Variants in NUAK1 observed in about 807,000 individuals in gnomAD.
NUAK1 encodes the protein NUAK family kinase 1.
In NUAK1, 26 loss-of-function variants were observed where a neutral mutation model predicts 56.9. The ratio of observed to expected loss-of-function variants is 0.46; its 90% CI spans 0.33 to 0.63. The LOEUF (loss-of-function observed/expected upper bound fraction) is 0.63. Among genes scored for constraint, NUAK1 ranks in the 30% least tolerant of loss-of-function variants. NUAK1 has a pLI of 0.02. For synonymous variants in NUAK1, 337 were observed against 336.0 expected (o/e 1.00, Z -0.03); for missense variants, 727 against 876.1 (o/e 0.83, Z 2.15).
rs1020537768 is a variant in NUAK1 at position 106,138,784 on chromosome 12, C to G, written c.-131G>C. 1 of 1,245,092 alleles carries G rather than the reference C, an allele frequency of 8.0e-7. No individual in the cohort carries two copies. The allele number at this position is 1,245,092 out of a possible 1,614,324, so 77.1% of individuals were successfully genotyped here. ...GCAGCATCAGGGAGGCGGCCCGATA[C>G]CGCTCGGACTGCGGCTCGGTCACTG... On this transcript the variant is annotated 5_prime_UTR_variant, in exon 1 of 7. Coordinates refer to ENST00000261402, the MANE Select transcript of NUAK1 (RefSeq NM_014840.3). This position sits in a 1 kb window ranked among gnomAD's most constrained non-coding sequence, Gnocchi z 5.0.
chr12:106,108,748 C>A (rs1449763754), intron 1 of NUAK1, among the ~76,000 whole-genome samples: 1 of 152,102 alleles, frequency 6.6e-6, no homozygotes, highest in African/African-American at 2.4e-5. Context: ...TGTCAAGTTA[C>A]AATAGGCATA....
intron 1 of NUAK1, among the ~76,000 whole-genome samples, chr12:106,134,828 T>A (rs2556509): frequency 6.6e-6 from 1 of 152,218 alleles, no homozygotes; most frequent in Non-Finnish European, 1.5e-5. Context: ...TTGAGAAATG[T>A]GTTCAGATCC....
chr12:106,112,970 T>C (rs191511236), intron 1 of NUAK1, among the ~76,000 whole-genome samples: 56 of 152,348 alleles, frequency 3.7e-4, no homozygotes, highest in East Asian at 1.9e-3. Context: ...TGTGATGATA[T>C]TGATTTCTCT....
chr12:106,129,238 G>C (rs141831811), intron 1 of NUAK1, among the ~76,000 whole-genome samples: 5 of 152,230 alleles, frequency 3.3e-5, no homozygotes, highest in African/African-American at 1.2e-4. Context: ...AAGGGGAAGC[G>C]TGACCCAGAG....
chr12:106,107,577 T>C (rs1285155107), intron 1 of NUAK1, among the ~76,000 whole-genome samples: 1 of 152,104 alleles, frequency 6.6e-6, no homozygotes, highest in Non-Finnish European at 1.5e-5. Context: ...AGCTAAACCA[T>C]CCTTCTGGAT....
In NUAK1 at chr12:106,138,819, G is replaced by A; in HGVS notation, c.-166C>T. ...TGCGGCTCGGTCACTGGCGGCGGCG[G>A]GGACTGCACATCTGGCGCCCGCGGC... On this transcript the variant is annotated 5_prime_UTR_variant, in exon 1 of 7. Coordinates refer to ENST00000261402, the MANE Select transcript of NUAK1 (RefSeq NM_014840.3). This position sits in a 1 kb window ranked among gnomAD's most constrained non-coding sequence, Gnocchi z 5.0. The A allele has an allele frequency of 8.3e-6, 8 of 962,544 alleles. No individual in the cohort carries two copies. The highest frequency in any genetic ancestry group is 1.1e-5 in the Non-Finnish European group (8 of 714,110). The allele number at this position is 962,544 out of a possible 1,614,324, so 59.6% of individuals were successfully genotyped here. A position where few individuals can be genotyped will look rare whatever the true frequency, so the allele number is the denominator to read the frequency against.
At chr12:106,095,403 C>T (rs1011325880) in intron 2 of NUAK1, among the ~76,000 whole-genome samples, 2 of 152,198 alleles carry the variant, frequency 1.3e-5, no homozygotes, top group South Asian at 2.1e-4. Context: ...CACAGGGATT[C>T]ATCTCACCAT....
At position 106,079,639 on chromosome 12, in the gene NUAK1, G is replaced by C. The variant is rs1307507102; in HGVS notation, c.579+4225C>G. Among the ~76,000 whole-genome samples, 2 of 152,144 alleles carry C rather than the reference G, an allele frequency of 1.3e-5. 1 individual carries two copies. The highest frequency in any genetic ancestry group is 4.1e-4 in the South Asian group (2 of 4,826). On this transcript the variant is annotated intron_variant, in intron 4 of 6. Coordinates refer to ENST00000261402, the MANE Select transcript of NUAK1 (RefSeq NM_014840.3). ...GACAGGAATTCAAGTCCTATACCAG[G>C]GGCCTTCCCTGACCACTCTAGGTAA... is the stretch of plus-strand genomic sequence containing the variant.
At chr12:106,091,556 G>A (rs894248290) in intron 2 of NUAK1, among the ~76,000 whole-genome samples, 1 of 152,208 alleles carries the variant, frequency 6.6e-6, no homozygotes, top group Non-Finnish European at 1.5e-5. Flanking sequence ...CAGCTGGCAG[G>A]GCCAGGGACT....
chr12:106,128,659 A>G (rs999220343), intron 1 of NUAK1, among the ~76,000 whole-genome samples: 6 of 152,216 alleles, frequency 3.9e-5, no homozygotes, highest in African/African-American at 1.4e-4. Flanking sequence ...GCTGGAGATA[A>G]CTAAGAGAAG....
intron 2 of NUAK1, among the ~76,000 whole-genome samples, chr12:106,090,488 C>A (rs148571281): frequency 4.9e-4 from 75 of 152,236 alleles, no homozygotes; most frequent in African/African-American, 1.7e-3. Context: ...CATAAGGATT[C>A]GGTACTATGA....
rs763058664 is a variant in NUAK1, at chr12:106,067,570, G to C, written c.1218C>G (p.Asn406Lys). ...CAGTGCTGTGAGAGCGATGCTCGCT[G>C]TTGCTTCGCTTCTTCAGGATCCCCT... is the stretch of plus-strand genomic sequence containing the variant. ...RPKGILKKRS[N>K]SEHRSHSTGF... Residue 406 changes from asparagine (N) to lysine (K), a missense_variant, in exon 7 of 7, where the codon AAC becomes AAG. By Grantham distance (94) the Asn-to-Lys change is moderately conservative (BLOSUM62 0). Coordinates refer to ENST00000261402, the MANE Select transcript of NUAK1 (RefSeq NM_014840.3). This position sits in a 1 kb window ranked among gnomAD's most constrained non-coding sequence, Gnocchi z 6.0. The C allele has an allele frequency of 6.2e-7, 1 of 1,614,246 alleles. No homozygotes were observed. Among genetic ancestry groups the C allele is most frequent in the Non-Finnish European group, 8.5e-7 (1 of 1,180,044 alleles).
intron 2 of NUAK1, among the ~76,000 whole-genome samples, chr12:106,102,575 C>A (rs1394802792): frequency 6.6e-6 from 1 of 152,208 alleles, no homozygotes; most frequent in Non-Finnish European, 1.5e-5. Flanking sequence ...CAGATCCCTG[C>A]AGCTCATCCA....
chr12:106,138,704 C>G lies in NUAK1; in HGVS notation c.-51G>C, dbSNP rs1213662929. The G allele has an allele frequency of 1.4e-6, 2 of 1,446,366 alleles. No individual in the cohort carries two copies. Among genetic ancestry groups the G allele is most frequent in the African/African-American group, 2.9e-5 (2 of 69,558 alleles). The allele number at this position is 1,446,366 out of a possible 1,614,324, so 89.6% of individuals were successfully genotyped here. On this transcript the variant is annotated 5_prime_UTR_variant, in exon 1 of 7. Transcript: ENST00000261402. The surrounding 1 kb of genome is among the most constrained non-coding windows in gnomAD (Gnocchi z 5.0). ...ACAGAGGGCAAGACCGGGCACAGCG[C>G]TGGGATGTCGGGGTCCCCACCGAGG...
chr12:106,105,016 C>T (rs936605351), intron 2 of NUAK1, among the ~76,000 whole-genome samples: 6 of 151,552 alleles, frequency 4.0e-5, no homozygotes, highest in East Asian at 2.0e-4. Flanking sequence ...TGCAGTGGCA[C>T]GATCTCAGCT....
intron 5 of NUAK1, among the ~76,000 whole-genome samples, chr12:106,071,173 C>T (rs1461054211): frequency 6.6e-6 from 1 of 152,196 alleles, no homozygotes; most frequent in Non-Finnish European, 1.5e-5. Flanking sequence ...CTTCTTTAAT[C>T]CTCACTACAA....
Position 106,066,958 on chromosome 12 carries a change from G to A in NUAK1, c.1830C>T (p.Ile610=). 1 of 1,614,228 alleles carries A rather than the reference G, an allele frequency of 6.2e-7. No homozygotes were observed. The highest frequency in any genetic ancestry group is 8.5e-7 in the Non-Finnish European group (1 of 1,180,042). ...SCVSAENFLQ[I]QDFEGLQNRP... is the part of the protein sequence containing the mutation. ...GGTTCTGGAGCCCCTCAAAGTCCTG[G>A]ATCTGGAGGAAGTTTTCTGCAGAGA... Residue 610 remains isoleucine (I), a synonymous_variant, in exon 7 of 7, where the codon ATC becomes ATT. Coordinates refer to ENST00000261402, the MANE Select transcript of NUAK1 (RefSeq NM_014840.3).
rs139548811 is a variant in NUAK1 at position 106,119,955 on chromosome 12, T to C, written c.241-13430A>G. Among the ~76,000 whole-genome samples, 383 of 150,518 alleles carry C rather than the reference T, an allele frequency of 2.5e-3. 1 individual carries two copies. The highest frequency in any genetic ancestry group is 8.7e-3 in the African/African-American group (360 of 41,488). On this transcript the variant is annotated intron_variant, in intron 1 of 6. Transcript: ENST00000261402. Reference sequence around the variant, plus strand: ...CTACAATGTTTAAGAGGATTGGCTCTTAAATGGGTGAGCTTCAATTATCTG... The same window carrying C: ...CTACAATGTTTAAGAGGATTGGCTCCTAAATGGGTGAGCTTCAATTATCTG...
chr12:106,106,191 C>T (rs1020563101), intron 2 of NUAK1: 15 of 423,630 alleles, frequency 3.5e-5, no homozygotes, highest in East Asian at 3.3e-4. Flanking sequence ...ATAAGGTATC[C>T]GCCAGAGATA....
Sources: gnomAD v4.1 joint callset for allele counts (sites outside exome capture counted in the v4.1 genomes callset) on GRCh38, gnomAD v4.1.1 for gene constraint, Gnocchi (gnomAD v3.1) non-coding constraint, MANE v1.5 for transcripts, NCBI Gene and HGNC (gene_info 2026-07-23, HGNC 2026-07-21) for gene names.